The following KCTD8 variants were observed in gnomAD, a reference collection of about 807,000 sequenced individuals.
KCTD8 encodes BTB/POZ domain-containing protein KCTD8.
A neutral mutation model predicts 31.5 loss-of-function variants in KCTD8; 27 were observed. That is an observed-to-expected ratio of 0.86 (90% CI 0.63 to 1.18). The LOEUF (loss-of-function observed/expected upper bound fraction) is 1.18, where lower values mean the gene tolerates loss of function less well. Among genes scored for constraint, KCTD8 ranks in the 50% most tolerant of loss-of-function variants. The probability of loss-of-function intolerance (pLI) is 0.00; values close to 1 mark genes in which losing one functional copy is unlikely to be tolerated. For missense variants in KCTD8, 658 were observed against 647.7 expected, an observed-to-expected ratio of 1.02 and a Z score of -0.17; for synonymous variants, 290 against 280.0, an observed-to-expected ratio of 1.04 and a Z score of -0.36.
Position 44,182,136 on chromosome 4 carries a change from C to T in KCTD8, c.962-6886G>A, listed in dbSNP as rs990767667. ...GGGAGGAAGGTGGGGGGTCAGCCCCCGCCCGGCCAGCCGCCCCGTCCGAGA... is the reference window on the plus strand; with the variant it reads ...GGGAGGAAGGTGGGGGGTCAGCCCCTGCCCGGCCAGCCGCCCCGTCCGAGA... On this transcript the variant is annotated intron_variant, in intron 1 of 1. Coordinates refer to ENST00000360029, the MANE Select transcript of KCTD8 (RefSeq NM_198353.3). 4.0e-5 allele frequency among the ~76,000 whole-genome samples: 6 copies of T among 151,386 alleles called. No individual in the cohort carries two copies. The East Asian group carries it at 5.9e-4, about 15-fold the overall frequency.
intron 1 of KCTD8, among the ~76,000 whole-genome samples, chr4:44,441,201 T>C (rs557746983): frequency 1.5e-4 from 23 of 151,924 alleles, no homozygotes; most frequent in African/African-American, 5.3e-4. Context: ...AGGTAAGTCC[T>C]TGCAAAACCT....
chr4:44,334,832 A>T (rs1577621836), intron 1 of KCTD8, among the ~76,000 whole-genome samples: 1 of 152,282 alleles, frequency 6.6e-6, no homozygotes, highest in East Asian at 1.9e-4. Flanking sequence ...AAATTTTGAA[A>T]GTTTGCTCAA....
chr4:44,308,179 G>A lies in KCTD8; in HGVS notation c.962-132929C>T, dbSNP rs138397356. ...CCTTTCATAGCTCAAGATGAGAAAC[G>A]AAAACATTTAGATGTATGTGATGTC... On this transcript the variant is annotated intron_variant, in intron 1 of 1. Transcript: ENST00000360029. Among the ~76,000 whole-genome samples the A allele has an allele frequency of 1.0e-3, 156 of 151,982 alleles. 3 individuals are homozygous for A. The highest frequency in any genetic ancestry group is 3.6e-3 in the African/African-American group (150 of 41,480).
chr4:44,402,005 T>C (rs542318925), intron 1 of KCTD8, among the ~76,000 whole-genome samples: 1 of 152,298 alleles, frequency 6.6e-6, no homozygotes, highest in South Asian at 2.1e-4. Context: ...ATAATCTCCT[T>C]AATTAATTCA....
intron 1 of KCTD8, among the ~76,000 whole-genome samples, chr4:44,252,779 A>G (rs1177484041): frequency 6.6e-6 from 1 of 151,770 alleles, no homozygotes; most frequent in Non-Finnish European, 1.5e-5. Context: ...ACAATCACAC[A>G]TAAATGTCTT....
Position 44,225,709 on chromosome 4 carries a change from C to T in KCTD8, c.962-50459G>A, listed in dbSNP as rs991213020. On this transcript the variant is annotated intron_variant, in intron 1 of 1. Coordinates refer to ENST00000360029, the MANE Select transcript of KCTD8 (RefSeq NM_198353.3). ...GGAAATATATATATTTTTAATTTTA[C>T]TTTAAGTTTTGGGATACATGTGCAG... is the stretch of plus-strand genomic sequence containing the variant. 4.0e-5 allele frequency among the ~76,000 whole-genome samples: 6 copies of T among 150,476 alleles called. 1 individual carries two copies. Among genetic ancestry groups the T allele is most frequent in the Non-Finnish European group, 4.4e-5 (3 of 67,752 alleles).
intron 1 of KCTD8, among the ~76,000 whole-genome samples, chr4:44,343,944 T>G (rs954286498): frequency 3.9e-5 from 6 of 151,964 alleles, no homozygotes; most frequent in Admixed American, 3.9e-4. Flanking sequence ...CTGAAACCTC[T>G]GCCTCCCAGG....
intron 1 of KCTD8, among the ~76,000 whole-genome samples, chr4:44,223,081 T>C (rs1416336763): frequency 6.6e-6 from 1 of 152,210 alleles, no homozygotes; most frequent in African/African-American, 2.4e-5. Context: ...TGTTTTACAG[T>C]AATCCAGATG....
At chr4:44,429,550 A>G (rs2109476318) in intron 1 of KCTD8, among the ~76,000 whole-genome samples, 1 of 151,960 alleles carries the variant, frequency 6.6e-6, no homozygotes, top group South Asian at 2.1e-4. Context: ...ACAGAAAACA[A>G]AAAATGAAAC....
rs1443417797 is a variant in KCTD8 at position 44,189,429 on chromosome 4, ACGAGG to A, written c.962-14184_962-14180del. On this transcript the variant is annotated intron_variant, in intron 1 of 1. Coordinates refer to ENST00000360029, the MANE Select transcript of KCTD8 (RefSeq NM_198353.3). ...ATATAGATCAACCATTATTGGAATA[ACGAGG>A]TTAATCCCTGCTTTCAACTAAAGGT... 7.6e-4 allele frequency among the ~76,000 whole-genome samples: 89 copies of A among 117,316 alleles called. 16 individuals carry two copies. Among genetic ancestry groups the A allele is most frequent in the African/African-American group, 3.1e-3 (85 of 27,700 alleles). The allele number at this position is 117,316 out of a possible 152,430, so 77.0% of individuals were successfully genotyped here.
At chr4:44,235,588 G>C (rs1314073150) in intron 1 of KCTD8, among the ~76,000 whole-genome samples, 1 of 133,242 alleles carries the variant, frequency 7.5e-6, no homozygotes, top group Non-Finnish European at 1.6e-5. Context: ...TAGAGAGAGA[G>C]AGAGAGAGAG....
At chr4:44,247,313 CAATT>C (rs914322500) in intron 1 of KCTD8, among the ~76,000 whole-genome samples, 2 of 152,078 alleles carry the variant, frequency 1.3e-5, no homozygotes, top group African/African-American at 4.8e-5. Flanking sequence ...TTTCCCCATG[CAATT>C]AATCACTCCT....
Position 44,174,925 on chromosome 4 carries a change from T to A in KCTD8, c.1287A>T (p.Lys429Asn), listed in dbSNP as rs963582376. Residue 429 changes from lysine to asparagine, a missense_variant, in exon 2 of 2, where the codon AAA becomes AAT. Coordinates refer to ENST00000360029, the MANE Select transcript of KCTD8 (RefSeq NM_198353.3). ...KSRETNLSKK[K>N]VCEKLSVEEE... Reference sequence around the variant, plus strand: ...CTTCCACACTTAGCTTCTCACAGACTTTCTTTTTGGACAGATTTGTTTCCC... The same window carrying A: ...CTTCCACACTTAGCTTCTCACAGACATTCTTTTTGGACAGATTTGTTTCCC... 7.4e-6 allele frequency: 12 copies of A among 1,614,168 alleles called. No individual in the cohort carries two copies. Among genetic ancestry groups the A allele is most frequent in the Non-Finnish European group, 1.0e-5 (12 of 1,180,004 alleles).
chr4:44,445,993 A>G (rs903360866), intron 1 of KCTD8, among the ~76,000 whole-genome samples: 1 of 152,220 alleles, frequency 6.6e-6, no homozygotes, highest in Non-Finnish European at 1.5e-5. Context: ...TTATTGTGTA[A>G]CAAGTAATAC....
intron 1 of KCTD8, among the ~76,000 whole-genome samples, chr4:44,261,426 G>A (rs925728847): frequency 6.6e-6 from 1 of 151,910 alleles, no homozygotes; most frequent in Non-Finnish European, 1.5e-5. Context: ...GGTCACCTAG[G>A]AAGTTAGTGT....
intron 1 of KCTD8, among the ~76,000 whole-genome samples, chr4:44,305,094 C>T (rs1432695297): frequency 6.6e-6 from 1 of 151,608 alleles, no homozygotes; most frequent in East Asian, 1.9e-4. Flanking sequence ...TAATCACATG[C>T]TTTATTCAAG....
At chr4:44,201,761 C>A (rs1714157921) in intron 1 of KCTD8, among the ~76,000 whole-genome samples, 1 of 151,982 alleles carries the variant, frequency 6.6e-6, no homozygotes. Flanking sequence ...TTTAAGGCCC[C>A]CAAAGCAACT....
rs570064623 is a variant in KCTD8, at chr4:44,376,552, C to G, written c.961+71011G>C. On this transcript the variant is annotated intron_variant, in intron 1 of 1. Coordinates refer to ENST00000360029, the MANE Select transcript of KCTD8 (RefSeq NM_198353.3). ...TTGATGTTTTCTACTGGGACCAAGA[C>G]AAAGAAGAAACCTATGTGATTTTCA... Among the ~76,000 whole-genome samples, 4 of 152,242 alleles carry G rather than the reference C, an allele frequency of 2.6e-5. No homozygotes were observed. The East Asian group carries it at 5.8e-4, about 22-fold the overall frequency.
chr4:44,255,641 T>G lies in KCTD8; in HGVS notation c.962-80391A>C, dbSNP rs559716598. 4.6e-5 allele frequency among the ~76,000 whole-genome samples: 7 copies of G among 152,032 alleles called. No individual in the cohort carries two copies. In the South Asian group the frequency reaches 1.5e-3, roughly 32 times the overall value. On this transcript the variant is annotated intron_variant, in intron 1 of 1. Coordinates refer to ENST00000360029, the MANE Select transcript of KCTD8 (RefSeq NM_198353.3). The stretch of plus-strand genomic sequence containing the variant: ...CTCTTTTTAAGAAGAAAATGAGTCT[T>G]TTGATCTAGAATTTTTCCCATTTAA...
Sources: allele counts gnomAD v4.1 joint callset (sites outside exome capture counted in the v4.1 genomes callset), GRCh38; gene constraint gnomAD v4.1.1; transcripts MANE v1.5; gene names NCBI Gene and HGNC (gene_info 2026-07-23, HGNC 2026-07-21).